Variants in TRPM3 observed in about 807,000 individuals in gnomAD.
The protein encoded by TRPM3 is transient receptor potential cation channel subfamily M member 3, also known as long transient receptor potential channel 3.
In TRPM3, 77 loss-of-function variants were observed where a neutral mutation model predicts 181.2. The ratio of observed to expected loss-of-function variants is 0.42; its 90% confidence interval spans 0.35 to 0.51. TRPM3 has a LOEUF of 0.51. Among genes scored for constraint, TRPM3 ranks in the 20% least tolerant of loss-of-function variants. The pLI is 0.01. For synonymous variants in TRPM3, 745 were observed against 796.4 expected, an observed-to-expected ratio of 0.94 and a Z score of 1.09; for missense variants, 1,759 against 2,196.7, an observed-to-expected ratio of 0.80 and a Z score of 3.98.
intron 1 of TRPM3, among the ~76,000 whole-genome samples, chr9:71,172,321 TAAAAC>T (rs1565302739): frequency 6.6e-5 from 10 of 152,312 alleles, no homozygotes; most frequent in Middle Eastern, 3.4e-3. Context: ...AGGAACTTGT[TAAAAC>T]AAACAAAACA....
intron 1 of TRPM3, among the ~76,000 whole-genome samples, chr9:70,878,271 T>G (rs2095908947): frequency 6.6e-6 from 1 of 152,074 alleles, no homozygotes; most frequent in African/African-American, 2.4e-5. Context: ...TTATCAAGAT[T>G]AAAGGTAAAC....
intron 1 of TRPM3, among the ~76,000 whole-genome samples, chr9:71,005,664 C>T (rs887098892): frequency 1.3e-5 from 2 of 152,086 alleles, no homozygotes; most frequent in Admixed American, 6.6e-5. Flanking sequence ...ACCAAAAATA[C>T]TGTACCCAGT....
At chr9:70,822,559 T>C (rs1168636888) in intron 6 of TRPM3, among the ~76,000 whole-genome samples, 2 of 151,782 alleles carry the variant, frequency 1.3e-5, no homozygotes, top group African/African-American at 2.4e-5. Context: ...TAATGTGTAA[T>C]GGGGAGTTAG....
chr9:71,270,029 T>C (rs1019230520), intron 1 of TRPM3, among the ~76,000 whole-genome samples: 2 of 152,202 alleles, frequency 1.3e-5, no homozygotes, highest in African/African-American at 4.8e-5. Context: ...ACAGGTCATA[T>C]CCGGTTCTTT....
chr9:70,837,249 C>T (rs977287084), intron 5 of TRPM3, among the ~76,000 whole-genome samples: 1 of 152,148 alleles, frequency 6.6e-6, no homozygotes. Context: ...GACTTGGTAA[C>T]TACATTAAAT....
intron 8 of TRPM3, among the ~76,000 whole-genome samples, chr9:70,685,892 C>CTT (rs34969113): frequency 0.66 from 99,366 of 151,264 alleles, 33,011 homozygotes; most frequent in African/African-American, 0.76. Context: ...TTTATATGCA[C>CTT]TGTCATTTTC....
chr9:71,446,963 T>C, upstream of TRPM3: 1 of 973,118 alleles, frequency 1.0e-6, no homozygotes, highest in South Asian at 2.1e-5. Context: ...CGCCGGCTCC[T>C]GCCAGAGCCC....
At chr9:71,172,253 CTG>C (rs1456067483) in intron 1 of TRPM3, among the ~76,000 whole-genome samples, 3 of 152,174 alleles carry the variant, frequency 2.0e-5, no homozygotes, top group African/African-American at 7.2e-5. Flanking sequence ...AGTCTTGAAA[CTG>C]TAGAATTTAG....
In TRPM3 at chr9:71,032,058, T is replaced by TA. The variant is rs2057493388; in HGVS notation, c.177+89119_177+89120insT. Among the ~76,000 whole-genome samples, 12 of 10,266 alleles carry TA rather than the reference T, an allele frequency of 1.2e-3. 1 individual carries two copies. Among genetic ancestry groups the TA allele is most frequent in the African/African-American group, 7.9e-3 (8 of 1,010 alleles). 6.7% of individuals were successfully genotyped at this position (10,266 alleles called of 152,430 possible). A position where few individuals can be genotyped will look rare whatever the true frequency, so the allele number is the denominator to read the frequency against. On this transcript the variant is annotated intron_variant, in intron 1 of 25. Coordinates refer to ENST00000677713, the MANE Select transcript of TRPM3 (RefSeq NM_001366145.2). The stretch of plus-strand genomic sequence containing the variant: ...AATATATATATATATATTATATATA[T>TA]TATATATATTATATTATATTATATA...
At chr9:71,161,073 T>C (rs1328007275) in intron 1 of TRPM3, among the ~76,000 whole-genome samples, 1 of 152,180 alleles carries the variant, frequency 6.6e-6, no homozygotes, top group African/African-American at 2.4e-5. Flanking sequence ...TCAGGGAAAA[T>C]TATACCAAGC....
intron 1 of TRPM3, among the ~76,000 whole-genome samples, chr9:71,340,091 G>C (rs1190285779): frequency 6.6e-6 from 1 of 152,118 alleles, no homozygotes; most frequent in Non-Finnish European, 1.5e-5. Context: ...TGATGCATTT[G>C]TTTTTCCTGG....
intron 1 of TRPM3, among the ~76,000 whole-genome samples, chr9:71,408,415 T>G (rs2131429274): frequency 6.6e-6 from 1 of 152,266 alleles, no homozygotes; most frequent in Admixed American, 6.5e-5. Context: ...TTAAATGACC[T>G]GATGGAGCTG....
rs145275383 is a variant in TRPM3, at chr9:71,429,257, T to G, written c.183+17396A>C. Reference sequence around the variant, plus strand: ...AAAGTAATGGGTTAAAAAATAATAATAAAAGAATAAAAGAAGAATTGCCCT... The same window carrying G: ...AAAGTAATGGGTTAAAAAATAATAAGAAAAGAATAAAAGAAGAATTGCCCT... On this transcript the variant is annotated intron_variant, in intron 1 of 24. Transcript: ENST00000357533. Among the ~76,000 whole-genome samples the G allele has an allele frequency of 4.3e-3, 654 of 152,236 alleles. 7 individuals carry two copies. Among genetic ancestry groups the G allele is most frequent in the African/African-American group, 0.015 (630 of 41,534 alleles).
At chr9:71,436,894 G>A (rs1030682804) in intron 1 of TRPM3, among the ~76,000 whole-genome samples, 2 of 152,170 alleles carry the variant, frequency 1.3e-5, no homozygotes, top group Non-Finnish European at 2.9e-5. Context: ...AACTTAACAC[G>A]ATGCCCAACA....
intron 1 of TRPM3, among the ~76,000 whole-genome samples, chr9:71,343,529 G>A (rs1303110354): frequency 1.3e-5 from 2 of 152,152 alleles, no homozygotes; most frequent in African/African-American, 4.8e-5. Flanking sequence ...TGGAAGAAAG[G>A]AGATACAAAT....
At chr9:70,881,068 T>G (rs745804052) in intron 1 of TRPM3, among the ~76,000 whole-genome samples, 2 of 152,142 alleles carry the variant, frequency 1.3e-5, no homozygotes, top group African/African-American at 4.8e-5. Context: ...TAAAATGACT[T>G]ACAAGTTTTT....
chr9:71,101,823 G>A (rs1326067501), intron 1 of TRPM3, among the ~76,000 whole-genome samples: 2 of 152,102 alleles, frequency 1.3e-5, no homozygotes, highest in Non-Finnish European at 2.9e-5. Context: ...TGGCTCCTGT[G>A]ACAGCATTTC....
intron 19 of TRPM3, among the ~76,000 whole-genome samples, chr9:70,607,643 A>G (rs1474860294): frequency 6.6e-6 from 1 of 152,220 alleles, no homozygotes; most frequent in Non-Finnish European, 1.5e-5. Flanking sequence ...AGCTGGTTAA[A>G]CTAACACAGC....
chr9:71,075,449 A>G (rs1209963070), intron 1 of TRPM3, among the ~76,000 whole-genome samples: 1 of 152,184 alleles, frequency 6.6e-6, no homozygotes, highest in Non-Finnish European at 1.5e-5. Context: ...TCATTTTTGA[A>G]TATTTGTACA....
Sources: gnomAD v4.1 joint callset for allele counts (sites outside exome capture counted in the v4.1 genomes callset) on GRCh38, gnomAD v4.1.1 for gene constraint, MANE v1.5 for transcripts, NCBI Gene and HGNC (gene_info 2026-07-23, HGNC 2026-07-21) for gene names.